Variants in GSE1 observed in about 807,000 individuals in gnomAD.
GSE1 encodes Gse1 coiled-coil protein.
Under a neutral mutation model 112.6 loss-of-function variants are expected in GSE1, and 32 were observed. The ratio of observed to expected loss-of-function variants is 0.28; its 90% CI spans 0.21 to 0.38. The LOEUF (loss-of-function observed/expected upper bound fraction) is 0.38, where lower values mean the gene tolerates loss of function less well. GSE1 is among the 10% of genes least tolerant of loss of function. GSE1 has a pLI of 1.00. For synonymous variants in GSE1, 1,115 were observed against 735.6 expected (o/e 1.52, Z -8.35); for missense variants, 2,348 against 1,699.2 (o/e 1.38, Z -6.71).
chr16:85,171,107 G>A (rs2074352514), exon 1 of GSE1: 3 of 985,670 alleles, frequency 3.0e-6, no homozygotes, highest in South Asian at 4.7e-5. Context: ...CCCAACAAGC[G>A]CTGTGAAGTC....
chr16:85,577,381 G>A (rs1181100312), intron 1 of GSE1, among the ~76,000 whole-genome samples: 1 of 152,188 alleles, frequency 6.6e-6, no homozygotes, highest in South Asian at 2.1e-4. Flanking sequence ...CAAGGGTGGT[G>A]GAGGAAGTGC....
chr16:85,487,895 T>A (rs1296546660), intron 2 of GSE1, among the ~76,000 whole-genome samples: 1 of 152,170 alleles, frequency 6.6e-6, no homozygotes, highest in African/African-American at 2.4e-5. Context: ...CAAAGGGTGG[T>A]TCGGGGCAAG....
chr16:85,192,955 C>G (rs1442827298), intron 1 of GSE1, among the ~76,000 whole-genome samples: 1 of 152,206 alleles, frequency 6.6e-6, no homozygotes, highest in Non-Finnish European at 1.5e-5. Flanking sequence ...TGCGCCCAAC[C>G]TGGCGTCTGG....
intron 2 of GSE1, among the ~76,000 whole-genome samples, chr16:85,518,572 C>T (rs2052032216): frequency 6.6e-6 from 1 of 152,150 alleles, no homozygotes; most frequent in African/African-American, 2.4e-5. Flanking sequence ...CTTCAGCCAG[C>T]AGTTGCTCTC....
At chr16:85,526,612 G>A (rs1019533207) in intron 2 of GSE1, among the ~76,000 whole-genome samples, 2 of 152,236 alleles carry the variant, frequency 1.3e-5, no homozygotes, top group Non-Finnish European at 2.9e-5. Flanking sequence ...GGATGTGGGT[G>A]GAGAGCAGGG....
Position 85,373,276 on chromosome 16 carries a change from C to T in GSE1, c.2464+15633C>T, listed in dbSNP as rs1033950557. 2.0e-5 allele frequency among the ~76,000 whole-genome samples: 3 copies of T among 152,238 alleles called. No individual in the cohort carries two copies. The highest frequency in any genetic ancestry group is 4.4e-5 in the Non-Finnish European group (3 of 68,042). ...CATGCTGGGATCCCCCACTCTCACG[C>T]GCTCTCCCTCCACCCCTTTGTCTCA... On this transcript the variant is annotated intron_variant, in intron 2 of 2. Transcript: ENST00000637419. The surrounding 1 kb of genome is among the most constrained non-coding windows in gnomAD (Gnocchi z 5.1).
intron 1 of GSE1, among the ~76,000 whole-genome samples, chr16:85,220,292 C>T (rs985528610): frequency 1.4e-4 from 22 of 152,198 alleles, no homozygotes; most frequent in African/African-American, 4.8e-4. Flanking sequence ...AGGCGGGGGT[C>T]TGGTTTCCCT....
intron 1 of GSE1, among the ~76,000 whole-genome samples, chr16:85,627,360 T>A (rs1489262260): frequency 6.6e-6 from 1 of 151,886 alleles, no homozygotes; most frequent in African/African-American, 2.4e-5. Context: ...ACCAGGTGGG[T>A]TCTTTCTGAA....
chr16:85,418,130 C>G (rs1205382634), intron 2 of GSE1, among the ~76,000 whole-genome samples: 2 of 152,274 alleles, frequency 1.3e-5, no homozygotes, highest in Non-Finnish European at 2.9e-5. Flanking sequence ...AGCCACCGCG[C>G]CTGGCTGGAG....
intron 8 of GSE1, among the ~76,000 whole-genome samples, chr16:85,658,940 C>T (rs770527036): frequency 3.3e-4 from 50 of 152,224 alleles, no homozygotes; most frequent in Non-Finnish European, 6.2e-4. Flanking sequence ...CCCCTGGCTG[C>T]GGTGGTTCCC....
At chr16:85,498,531 A>G (rs1290475750) in intron 2 of GSE1, among the ~76,000 whole-genome samples, 1 of 149,430 alleles carries the variant, frequency 6.7e-6, no homozygotes, top group African/African-American at 2.5e-5. Context: ...ATGCATGTAC[A>G]CAGACATCCA....
intron 1 of GSE1, among the ~76,000 whole-genome samples, chr16:85,561,219 A>G (rs1002228922): frequency 1.3e-5 from 2 of 152,110 alleles, no homozygotes; most frequent in South Asian, 4.1e-4. Flanking sequence ...CTTCCTCAGA[A>G]CAGCTCTGGA....
In GSE1 at chr16:85,673,872, C is replaced by T. The variant is rs1465416555; in HGVS notation, c.*1333C>T. On this transcript the variant is annotated 3_prime_UTR_variant, in exon 16 of 16. Coordinates refer to ENST00000253458, the MANE Select transcript of GSE1 (RefSeq NM_014615.5). ...ATTCTAAGGTGTCTGAGAGCAGGTA[C>T]AGAATAGGAACTTCAGAGGCTTTGT... is the stretch of plus-strand genomic sequence containing the variant. The T allele has an allele frequency of 6.6e-6, 1 of 152,206 alleles. No individual in the cohort carries two copies. Among genetic ancestry groups the T allele is most frequent in the Non-Finnish European group, 1.5e-5 (1 of 68,044 alleles). 9.4% of individuals were successfully genotyped at this position (152,206 alleles called of 1,614,324 possible).
At chr16:85,259,832 C>T (rs1295809436) in intron 1 of GSE1, among the ~76,000 whole-genome samples, 1 of 152,192 alleles carries the variant, frequency 6.6e-6, no homozygotes, top group Non-Finnish European at 1.5e-5. Flanking sequence ...ACTGAGGGCT[C>T]AGGGAGTCCA....
At chr16:85,337,006 A>AAGTG (rs10624446) in intron 1 of GSE1, among the ~76,000 whole-genome samples, 134,324 of 152,132 alleles carry the variant, frequency 0.88, 59,453 homozygotes, top group East Asian at 1. Flanking sequence ...ATGTACACAC[A>AAGTG]CATATCCACA....
chr16:85,384,176 G>T (rs1183981427), intron 2 of GSE1, among the ~76,000 whole-genome samples: 2 of 152,224 alleles, frequency 1.3e-5, no homozygotes, highest in African/African-American at 4.8e-5. Context: ...AGGTGCTATT[G>T]TGAACACGGA....
intron 1 of GSE1, among the ~76,000 whole-genome samples, chr16:85,271,556 T>C (rs1908837140): frequency 6.6e-6 from 1 of 152,186 alleles, no homozygotes; most frequent in Non-Finnish European, 1.5e-5. Flanking sequence ...GCGGGAGTGA[T>C]AGCACTGGTG....
intron 13 of GSE1, among the ~76,000 whole-genome samples, chr16:85,667,541 G>C (rs1598705419): frequency 6.6e-6 from 1 of 152,326 alleles, no homozygotes; most frequent in South Asian, 2.1e-4. Context: ...GTCTGCTGAG[G>C]GCTGACTATA....
At chr16:85,304,470 A>G (rs1024290615) in intron 1 of GSE1, among the ~76,000 whole-genome samples, 4 of 152,200 alleles carry the variant, frequency 2.6e-5, no homozygotes, top group Non-Finnish European at 5.9e-5. Context: ...CGCCAGGGGC[A>G]GTGCCCTCAG....
Sources: gnomAD v4.1 joint callset for allele counts (sites outside exome capture counted in the v4.1 genomes callset) on GRCh38, gnomAD v4.1.1 for gene constraint, Gnocchi (gnomAD v3.1) non-coding constraint, MANE v1.5 for transcripts, NCBI Gene and HGNC (gene_info 2026-07-23, HGNC 2026-07-21) for gene names.